MRPL49: variants seen among roughly 807,000 people sequenced by gnomAD.
The protein encoded by MRPL49 is large ribosomal subunit protein mL49.
A neutral mutation model predicts 18.4 loss-of-function variants in MRPL49; 14 were observed. The observed-to-expected ratio is 0.76, with a 90% CI of 0.50 to 1.19. The LOEUF (loss-of-function observed/expected upper bound fraction) is 1.19. Ranked by LOEUF, MRPL49 falls within the 50% of genes most tolerant of loss-of-function variation. MRPL49 has a pLI of 0.00. For missense variants in MRPL49, 190 were observed against 217.8 expected (o/e 0.87, Z 0.80); for synonymous variants, 104 against 86.2 (o/e 1.21, Z -1.14).
In MRPL49 at chr11:65,126,769, G is replaced by A; in HGVS notation, c.*897G>A. The A allele has an allele frequency of 3.9e-6, 2 of 516,440 alleles. No homozygotes were observed. Among genetic ancestry groups the A allele is most frequent in the Non-Finnish European group, 3.4e-6 (1 of 292,418 alleles). The allele number at this position is 516,440 out of a possible 1,614,324, so 32.0% of individuals were successfully genotyped here. A position where few individuals can be genotyped will look rare whatever the true frequency, so the allele number is the denominator to read the frequency against. On this transcript the variant is annotated 3_prime_UTR_variant, in exon 4 of 4. Transcript: ENST00000279242. ...ATAGAGAGGTAGGAGGCACGTTCTT[G>A]GTCACTGTTCCATTGCAGACCAGAC...
In MRPL49 at chr11:65,124,388, C is replaced by G. The variant is rs190248858; in HGVS notation, c.79-114C>G. ...GATAGCTTTCACACCGTCGCCCAGC[C>G]TTTTATTTATGTCATTCTCTCTGCC... On this transcript the variant is annotated intron_variant, in intron 1 of 3. Coordinates refer to ENST00000279242, the MANE Select transcript of MRPL49 (RefSeq NM_004927.4). 2.6e-4 allele frequency: 290 copies of G among 1,112,868 alleles called. 2 individuals carry two copies. In the East Asian group the frequency reaches 4.8e-3, roughly 18 times the overall value. The allele number at this position is 1,112,868 out of a possible 1,614,324, so 68.9% of individuals were successfully genotyped here.
chr11:65,127,098 TTC>T lies in MRPL49; in HGVS notation c.*1230_*1231del, dbSNP rs768871663. 2.6e-5 allele frequency: 18 copies of T among 698,126 alleles called. No homozygotes were observed. Among genetic ancestry groups the T allele is most frequent in the South Asian group, 6.0e-5 (4 of 66,888 alleles). The allele number at this position is 698,126 out of a possible 1,614,324, so 43.2% of individuals were successfully genotyped here. A position where few individuals can be genotyped will look rare whatever the true frequency, so the allele number is the denominator to read the frequency against. Reference sequence around the variant, plus strand: ...AGCAGGGCACTGAACTCTGGGCTGCTTCTCTGTGTGTAAAATGGGCACATCTT... The same window carrying T: ...AGCAGGGCACTGAACTCTGGGCTGCTTCTGTGTGTAAAATGGGCACATCTT... On this transcript the variant is annotated 3_prime_UTR_variant, in exon 4 of 4. Transcript: ENST00000279242.
chr11:65,122,416 C>T lies in MRPL49; in HGVS notation c.70C>T (p.Arg24Trp), dbSNP rs1296878915. Residue 24 changes from arginine (R) to tryptophan (W), a missense_variant, in exon 1 of 4, where the codon CGG becomes TGG. Arg to Trp is a moderately radical substitution (Grantham distance 101). Coordinates refer to ENST00000279242, the MANE Select transcript of MRPL49 (RefSeq NM_004927.4). ...RTGVQRGCGL[R>W]LLSQTQGPPD... ...CGGTGTCCAGCGGGGCTGCGGGCTA[C>T]GGCTGTTGGTGAGAGCGCTGAGCGA... The T allele has an allele frequency of 4.3e-6, 7 of 1,612,314 alleles. No individual in the cohort carries two copies. Among genetic ancestry groups the T allele is most frequent in the Non-Finnish European group, 5.1e-6 (6 of 1,179,356 alleles).
chr11:65,123,222 C>A (rs953255599), intron 1 of MRPL49, among the ~76,000 whole-genome samples: 4 of 152,142 alleles, frequency 2.6e-5, no homozygotes, highest in Middle Eastern at 3.2e-3. Flanking sequence ...CAGAAGTGTA[C>A]ATATACTCTT....
rs375862268 is a variant in MRPL49 at position 65,122,361 on chromosome 11, G to C, written c.15G>C (p.Met5Ile). 1.2e-6 allele frequency: 2 copies of C among 1,612,962 alleles called. No homozygotes were observed. Among genetic ancestry groups the C allele is most frequent in the Non-Finnish European group, 1.7e-6 (2 of 1,179,670 alleles). MAATMFRATLRGWRT... is the reference protein window; with the variant it reads MAATIFRATLRGWRT... ...AGCAGGTAAAGATGGCAGCTACCAT[G>C]TTCCGGGCTACGCTGCGGGGATGGA... The change falls in exon 1 of 4, where the codon ATG becomes ATC. Residue 5 changes from methionine to isoleucine, a missense_variant. Physicochemically the swap from Met to Ile is conservative, Grantham distance 10 (BLOSUM62 1). Transcript: ENST00000279242.
chr11:65,125,351 A>AC (rs1948088931), intron 2 of MRPL49, 137 bp from the exon 3 acceptor site: 3 of 1,075,380 alleles, frequency 2.8e-6, no homozygotes, highest in African/African-American at 1.6e-5. Context: ...GAAAGAGGAG[A>AC]CCCCCTGACC....
chr11:65,126,059 C>T lies in MRPL49; in HGVS notation c.*187C>T, dbSNP rs1948098143. On this transcript the variant is annotated 3_prime_UTR_variant, in exon 4 of 4. Transcript: ENST00000279242. Reference sequence around the variant, plus strand: ...TCTATGTACATGCTGGGGGAGAGTGCCTAATGTGGGAGACCAAATAGGGAT... The same window carrying T: ...TCTATGTACATGCTGGGGGAGAGTGTCTAATGTGGGAGACCAAATAGGGAT... 4.9e-6 allele frequency: 3 copies of T among 610,272 alleles called. No homozygotes were observed. In the East Asian group the frequency reaches 9.2e-5, roughly 19 times the overall value. 37.8% of individuals were successfully genotyped at this position (610,272 alleles called of 1,614,324 possible). A position where few individuals can be genotyped will look rare whatever the true frequency, so the allele number is the denominator to read the frequency against.
At position 65,125,958 on chromosome 11, in the gene MRPL49, C is replaced by T; in HGVS notation, c.*86C>T. On this transcript the variant is annotated 3_prime_UTR_variant, in exon 4 of 4. Transcript: ENST00000279242. Reference sequence around the variant, plus strand: ...GAGGAGGGAGGTGGGTGTTGGAGCCCCTGAGACAGGGGATACAGAAACTAG... The same window carrying T: ...GAGGAGGGAGGTGGGTGTTGGAGCCTCTGAGACAGGGGATACAGAAACTAG... The T allele has an allele frequency of 6.7e-7, 1 of 1,483,848 alleles. No individual in the cohort carries two copies. Among genetic ancestry groups the T allele is most frequent in the Non-Finnish European group, 9.0e-7 (1 of 1,105,010 alleles). 91.9% of individuals were successfully genotyped at this position (1,483,848 alleles called of 1,614,324 possible). A position where few individuals can be genotyped will look rare whatever the true frequency, so the allele number is the denominator to read the frequency against.
chr11:65,125,393 T>G, intron 2 of MRPL49, 95 bp from the exon 3 acceptor site: 1 of 1,534,844 alleles, frequency 6.5e-7, no homozygotes, highest in Non-Finnish European at 8.8e-7. Flanking sequence ...TCCAGCTGGG[T>G]GCACTGGCCC....
Position 65,126,762 on chromosome 11 carries a change from C to T in MRPL49, c.*890C>T. ...GGCTCTGATAGAGAGGTAGGAGGCACGTTCTTGGTCACTGTTCCATTGCAG... is the reference window on the plus strand; with the variant it reads ...GGCTCTGATAGAGAGGTAGGAGGCATGTTCTTGGTCACTGTTCCATTGCAG... On this transcript the variant is annotated 3_prime_UTR_variant, in exon 4 of 4. Transcript: ENST00000279242. 3 of 506,932 alleles carry T rather than the reference C, an allele frequency of 5.9e-6. No individual in the cohort carries two copies. Among genetic ancestry groups the T allele is most frequent in the South Asian group, 2.9e-5 (1 of 34,752 alleles). 31.4% of individuals were successfully genotyped at this position (506,932 alleles called of 1,614,324 possible).
intron 2 of MRPL49, 131 bp from the exon 3 acceptor site, chr11:65,125,357 T>A: frequency 5.1e-6 from 6 of 1,173,202 alleles, no homozygotes; most frequent in Non-Finnish European, 6.1e-6. Flanking sequence ...GGAGACCCCC[T>A]GACCTAAAGT....
At chr11:65,122,243 C>T, upstream of MRPL49, 1 of 1,277,224 alleles carries the variant, frequency 7.8e-7, no homozygotes, top group Non-Finnish European at 1.1e-6. Context: ...CCTAGCTCCG[C>T]CCCTTTACGC....
chr11:65,124,775 C>T (rs1488128607), intron 2 of MRPL49, 123 bp downstream of exon 2: 5 of 1,101,856 alleles, frequency 4.5e-6, no homozygotes, highest in Non-Finnish European at 5.1e-6. Flanking sequence ...TGCAATCCCT[C>T]TGGGTTACAT....
At position 65,124,357 on chromosome 11, in the gene MRPL49, G is replaced by T. The variant is rs1255795902; in HGVS notation, c.79-145G>T. 3 of 810,954 alleles carry T rather than the reference G, an allele frequency of 3.7e-6. No individual in the cohort carries two copies. In the African/African-American group the frequency reaches 5.2e-5, roughly 14 times the overall value. 50.2% of individuals were successfully genotyped at this position (810,954 alleles called of 1,614,324 possible). A position where few individuals can be genotyped will look rare whatever the true frequency, so the allele number is the denominator to read the frequency against. On this transcript the variant is annotated intron_variant, in intron 1 of 3. Coordinates refer to ENST00000279242, the MANE Select transcript of MRPL49 (RefSeq NM_004927.4). The stretch of plus-strand genomic sequence containing the variant: ...TAACCCAAGTGACTCACTCCATTTT[G>T]ATTCTGATAGCTTTCACACCGTCGC...
chr11:65,124,150 G>T (rs1408640970), intron 1 of MRPL49, among the ~76,000 whole-genome samples: 1 of 152,146 alleles, frequency 6.6e-6, no homozygotes, highest in Non-Finnish European at 1.5e-5. Flanking sequence ...AGCCTCCAAG[G>T]TGCTGGGATT....
intron 3 of MRPL49, 55 bp downstream of exon 3, chr11:65,125,667 C>G (rs761794070): frequency 1.2e-6 from 2 of 1,611,956 alleles, no homozygotes; most frequent in Admixed American, 3.3e-5. Flanking sequence ...GCTGAAGGGA[C>G]AGGAGTCTTT....
intron 1 of MRPL49, among the ~76,000 whole-genome samples, chr11:65,124,076 T>C (rs1188203115): frequency 2.0e-5 from 3 of 152,230 alleles, no homozygotes; most frequent in Admixed American, 6.5e-5. Flanking sequence ...TCAGTAGAGA[T>C]GGGGTTTCGC....
chr11:65,126,799 TG>T lies in MRPL49; in HGVS notation c.*929del. The stretch of plus-strand genomic sequence containing the variant: ...CTGTTCCATTGCAGACCAGACTTGC[TG>T]GCCTGACCACAAGGGAGTGGCTGGG... On this transcript the variant is annotated 3_prime_UTR_variant, in exon 4 of 4. Transcript: ENST00000279242. 1.8e-6 allele frequency: 1 copy of T among 555,590 alleles called. No individual in the cohort carries two copies. Among genetic ancestry groups the T allele is most frequent in the South Asian group, 2.3e-5 (1 of 42,878 alleles). 34.4% of individuals were successfully genotyped at this position (555,590 alleles called of 1,614,324 possible). A position where few individuals can be genotyped will look rare whatever the true frequency, so the allele number is the denominator to read the frequency against.
At chr11:65,123,753 TAAAGG>T (rs964393093) in intron 1 of MRPL49, among the ~76,000 whole-genome samples, 1 of 151,634 alleles carries the variant, frequency 6.6e-6, no homozygotes, top group Non-Finnish European at 1.5e-5. Flanking sequence ...TAAAAATAAA[TAAAGG>T]AAAGGAAAAA....
Sources: gnomAD v4.1 joint callset for allele counts (sites outside exome capture counted in the v4.1 genomes callset) on GRCh38, gnomAD v4.1.1 for gene constraint, MANE v1.5 for transcripts, NCBI Gene and HGNC (gene_info 2026-07-23, HGNC 2026-07-21) for gene names.